SMARCA2: variants seen among roughly 807,000 people sequenced by gnomAD.
SMARCA2 encodes SWI/SNF related BAF chromatin remodeling complex subunit ATPase 2.
In SMARCA2, 61 loss-of-function variants were observed where a neutral mutation model predicts 199.8. That is an observed-to-expected ratio of 0.31 (90% CI 0.25 to 0.38). SMARCA2 has a LOEUF of 0.38. Among genes scored for constraint, SMARCA2 ranks in the 10% least tolerant of loss-of-function variants. The probability of loss-of-function intolerance (pLI) is 1.00; values close to 1 mark genes in which losing one functional copy is unlikely to be tolerated. For synonymous variants in SMARCA2, 935 were observed against 732.0 expected, an observed-to-expected ratio of 1.28 and a Z score of -4.48; for missense variants, 1,344 against 2,012.2, an observed-to-expected ratio of 0.67 and a Z score of 6.35.
At chr9:2,188,040 TA>T (rs1251555146) in intron 32 of SMARCA2, among the ~76,000 whole-genome samples, 4 of 152,198 alleles carry the variant, frequency 2.6e-5, no homozygotes, top group African/African-American at 9.6e-5. Context: ...CCTTTTCAAA[TA>T]TATTAAAAGT....
intron 27 of SMARCA2, chr9:2,158,881 C>A: frequency 6.6e-7 from 1 of 1,523,466 alleles, no homozygotes; most frequent in Non-Finnish European, 8.9e-7. Context: ...GAACATAAAG[C>A]ACTGCATATG....
At position 2,084,207 on chromosome 9, in the gene SMARCA2, A is replaced by G. The variant is rs778726440; in HGVS notation, c.2526+11A>G. 9 of 1,444,496 alleles carry G rather than the reference A, an allele frequency of 6.2e-6. No individual in the cohort carries two copies. The highest frequency in any genetic ancestry group is 8.7e-6 in the Non-Finnish European group (9 of 1,029,128). The allele number at this position is 1,444,496 out of a possible 1,614,324, so 89.5% of individuals were successfully genotyped here. A position where few individuals can be genotyped will look rare whatever the true frequency, so the allele number is the denominator to read the frequency against. The stretch of plus-strand genomic sequence containing the variant: ...CACATTCTTGCAAAGGTATGTTTTT[A>G]AAAAATTATTTTCTCTCTAATTAGG... On this transcript the variant is annotated intron_variant, in intron 17 of 33. Transcript: ENST00000349721.
At chr9:2,138,889 C>T (rs1438597133) in intron 27 of SMARCA2, among the ~76,000 whole-genome samples, 2 of 152,094 alleles carry the variant, frequency 1.3e-5, no homozygotes, top group African/African-American at 4.8e-5. Flanking sequence ...AACTGAAACT[C>T]AGAGGGGTGT....
At chr9:2,185,580 G>A (rs1222257222) in intron 31 of SMARCA2, among the ~76,000 whole-genome samples, 1 of 152,108 alleles carries the variant, frequency 6.6e-6, no homozygotes, top group Admixed American at 6.5e-5. Context: ...TTGAGGAAAA[G>A]GACCATTTTT....
chr9:2,137,794 A>G (rs994155961), intron 27 of SMARCA2, among the ~76,000 whole-genome samples: 3 of 152,206 alleles, frequency 2.0e-5, no homozygotes, highest in Non-Finnish European at 4.4e-5. Flanking sequence ...ATAAGTGAAT[A>G]TACTAGGCAG....
chr9:2,101,670 A>C, intron 22 of SMARCA2, 54 bp downstream of exon 22: 1 of 885,020 alleles, frequency 1.1e-6, no homozygotes, highest in Non-Finnish European at 1.9e-6. Flanking sequence ...GCCTTACATA[A>C]ACTCCTCCTC....
intron 27 of SMARCA2, among the ~76,000 whole-genome samples, chr9:2,138,930 C>G (rs773468182): frequency 5.9e-5 from 9 of 152,068 alleles, no homozygotes; most frequent in Non-Finnish European, 1.3e-4. Flanking sequence ...TGTTCTTAGC[C>G]GGAGTTTCTT....
In SMARCA2 at chr9:2,086,412, C is replaced by G. The variant is rs867908929; in HGVS notation, c.2527-417C>G. Reference sequence around the variant, plus strand: ...TGGAAAAATCAGTCATTAACCTCTGCTTCAGGTGGGTACCTATATTCTGTG... The same window carrying G: ...TGGAAAAATCAGTCATTAACCTCTGGTTCAGGTGGGTACCTATATTCTGTG... On this transcript the variant is annotated intron_variant, in intron 17 of 33. Coordinates refer to ENST00000349721, the MANE Select transcript of SMARCA2 (RefSeq NM_003070.5). The surrounding 1 kb of genome is among the most constrained non-coding windows in gnomAD (Gnocchi z 4.3). 3.3e-5 allele frequency among the ~76,000 whole-genome samples: 5 copies of G among 152,152 alleles called. No homozygotes were observed. Among genetic ancestry groups the G allele is most frequent in the African/African-American group, 1.2e-4 (5 of 41,434 alleles).
chr9:2,162,415 A>G (rs991823938), intron 28 of SMARCA2, among the ~76,000 whole-genome samples: 1 of 152,202 alleles, frequency 6.6e-6, no homozygotes, highest in Non-Finnish European at 1.5e-5. Context: ...CTAATACCAC[A>G]TAGCATGGTC....
rs1253725251 is a variant in SMARCA2 at position 2,123,854 on chromosome 9, G to C, written c.3898G>C (p.Glu1300Gln). The C allele has an allele frequency of 6.2e-7, 1 of 1,610,110 alleles. No homozygotes were observed. The highest frequency in any genetic ancestry group is 1.3e-5 in the African/African-American group (1 of 75,008). Residue 1300 changes from glutamate to glutamine, a missense_variant, in exon 27 of 34, where the codon GAG (glutamate) becomes CAG (glutamine). Physicochemically the swap from Glu to Gln is conservative, Grantham distance 29. This residue lies in a region of SMARCA2 where 63 missense variants were observed against 83.3 expected (regional missense o/e 0.76). Transcript: ENST00000349721. The surrounding 1 kb of genome is among the most constrained non-coding windows in gnomAD (Gnocchi z 4.1). ...EVERLTCEEE[E>Q]EKIFGRGSRQ... ...AGAAAGGCTCACCTGTGAAGAAGAG[G>C]AGGAGAAAATATTTGGGAGGGGGTC...
At chr9:2,030,149 G>A (rs182421279) in intron 2 of SMARCA2, among the ~76,000 whole-genome samples, 19 of 152,184 alleles carry the variant, frequency 1.2e-4, no homozygotes, top group Non-Finnish European at 2.5e-4. Context: ...TTAAGTAGGT[G>A]TATTCATTAG....
Position 2,056,977 on chromosome 9 carries a change from T to A in SMARCA2, c.1347+132T>A, listed in dbSNP as rs1820381912. 1 of 741,440 alleles carries A rather than the reference T, an allele frequency of 1.3e-6. No individual in the cohort carries two copies. The highest frequency in any genetic ancestry group is 1.8e-5 in the African/African-American group (1 of 56,542). 45.9% of individuals were successfully genotyped at this position (741,440 alleles called of 1,614,324 possible). A position where few individuals can be genotyped will look rare whatever the true frequency, so the allele number is the denominator to read the frequency against. ...GACATCACAGAACAGAACGGTTCCT[T>A]GACATGTACATAATCCAACCACATC... On this transcript the variant is annotated intron_variant, in intron 7 of 33. Transcript: ENST00000349721. The surrounding 1 kb of genome is among the most constrained non-coding windows in gnomAD (Gnocchi z 4.0).
At chr9:2,060,795 C>G in intron 8 of SMARCA2, 21 bp from the exon 9 acceptor site, 1 of 1,611,576 alleles carries the variant, frequency 6.2e-7, no homozygotes, top group Non-Finnish European at 8.5e-7. Flanking sequence ...TGCTCTCATC[C>G]TGCTCTTCTT....
At chr9:2,047,876 A>G (rs1819942150) in intron 5 of SMARCA2, 1 of 153,784 alleles carries the variant, frequency 6.5e-6, no homozygotes, top group Non-Finnish European at 1.4e-5. Flanking sequence ...CTTTGTTTTA[A>G]TTCACGTGTG....
At chr9:2,053,135 C>A (rs543625868) in intron 5 of SMARCA2, among the ~76,000 whole-genome samples, 3 of 152,288 alleles carry the variant, frequency 2.0e-5, no homozygotes, top group African/African-American at 7.2e-5. Flanking sequence ...CTCCCTCCCC[C>A]GTCTAGTAGT....
In SMARCA2 at chr9:2,039,803, G is replaced by GCAA; in HGVS notation, c.695_696insACA (p.Gln238dup). The GCAA allele has an allele frequency of 6.3e-7, 1 of 1,597,918 alleles. No homozygotes were observed. The highest frequency in any genetic ancestry group is 1.3e-5 in the African/African-American group (1 of 74,756). ...AGCAGCAGCAGCAGCAGCAGCAGCAGCAGCAGCAGCAGCAACAGCAGCCGC... is the reference window on the plus strand; with the variant it reads ...AGCAGCAGCAGCAGCAGCAGCAGCAGCAACAGCAGCAGCAGCAACAGCAGCCGC... On this transcript the variant is annotated inframe_insertion, in exon 4 of 34. Transcript: ENST00000349721. The surrounding 1 kb of genome is among the most constrained non-coding windows in gnomAD (Gnocchi z 4.8).
In SMARCA2 at chr9:2,056,758, C is replaced by T. The variant is rs765477393; in HGVS notation, c.1260C>T (p.Arg420=). The change falls in exon 7 of 34, where the codon CGC becomes CGT. Residue 420 remains arginine, a synonymous_variant. Transcript: ENST00000349721. The surrounding 1 kb of genome is among the most constrained non-coding windows in gnomAD (Gnocchi z 4.0). Reference sequence around the variant, plus strand: ...CCAAAGCATACAAACGGAGCAAGCGCCAGACTCTGAGAGAAGCTCGCATGA... The same window carrying T: ...CCAAAGCATACAAACGGAGCAAGCGTCAGACTCTGAGAGAAGCTCGCATGA... ...LNSKAYKRSK[R]QTLREARMTE... is the part of the protein sequence containing the mutation. 2 of 1,614,168 alleles carry T rather than the reference C, an allele frequency of 1.2e-6. No individual in the cohort carries two copies. Among genetic ancestry groups the T allele is most frequent in the East Asian group, 2.2e-5 (1 of 44,888 alleles).
chr9:2,067,853 A>G (rs1030512105), intron 9 of SMARCA2, among the ~76,000 whole-genome samples: 22 of 152,376 alleles, frequency 1.4e-4, no homozygotes, highest in African/African-American at 5.0e-4. Flanking sequence ...CAGTTTTTAG[A>G]TAACAATCTA....
chr9:2,112,932 C>A (rs1237536809), intron 24 of SMARCA2, among the ~76,000 whole-genome samples: 1 of 152,178 alleles, frequency 6.6e-6, no homozygotes, highest in East Asian at 1.9e-4. Context: ...TCAATGTTAG[C>A]TTGCTCATGA....
Sources: allele counts gnomAD v4.1 joint callset (sites outside exome capture counted in the v4.1 genomes callset), GRCh38; gene constraint gnomAD v4.1.1; regional missense constraint gnomAD v4.1.1; non-coding constraint Gnocchi (gnomAD v3.1); transcripts MANE v1.5; gene names NCBI Gene and HGNC (gene_info 2026-07-23, HGNC 2026-07-21).